Variants in C9orf85 observed in about 807,000 individuals in gnomAD.
The protein encoded by C9orf85 is chromosome 9 open reading frame 85.
In C9orf85, 16 loss-of-function variants were observed where a neutral mutation model predicts 14.9. The ratio of observed to expected loss-of-function variants is 1.08; its 90% CI spans 0.73 to 1.63. The LOEUF (loss-of-function observed/expected upper bound fraction) is 1.63, where lower values mean the gene tolerates loss of function less well. C9orf85 is among the 40% of genes most tolerant of loss of function. The pLI is 0.00. For synonymous variants in C9orf85, 45 were observed against 56.8 expected (o/e 0.79, Z 0.93); for missense variants, 172 against 186.1 (o/e 0.92, Z 0.44).
At position 71,972,746 on chromosome 9, in the gene C9orf85, C is replaced by T; in HGVS notation, c.378C>T (p.Asn126=). The change falls in exon 4 of 4, where the codon AAC becomes AAT. Residue 126 remains asparagine (N), a synonymous_variant. Coordinates refer to ENST00000334731, the MANE Select transcript of C9orf85 (RefSeq NM_182505.5). ...ATACTGAAAATAATCTAAGTTCCAACCATAGAAGAAGCTGCAGAAGAAATG... is the reference window on the plus strand; with the variant it reads ...ATACTGAAAATAATCTAAGTTCCAATCATAGAAGAAGCTGCAGAAGAAATG... ...IEHTENNLSS[N]HRRSCRRNEE... is the part of the protein sequence containing the mutation. The T allele has an allele frequency of 6.2e-7, 1 of 1,607,026 alleles. No homozygotes were observed. The highest frequency in any genetic ancestry group is 1.7e-4 in the Middle Eastern group (1 of 5,956).
chr9:71,929,238 A>G (rs1294559746), intron 1 of C9orf85, among the ~76,000 whole-genome samples: 1 of 152,176 alleles, frequency 6.6e-6, no homozygotes, highest in Non-Finnish European at 1.5e-5. Context: ...ATACATCCCT[A>G]TTAGGAAATC....
chr9:71,943,720 T>C (rs1369314990), intron 1 of C9orf85, among the ~76,000 whole-genome samples: 2 of 151,838 alleles, frequency 1.3e-5, no homozygotes, highest in East Asian at 3.9e-4. Context: ...TTTGTACTTT[T>C]AGTAGAGACG....
intron 2 of C9orf85, 22 bp downstream of exon 2, chr9:71,947,134 CCTTA>C (rs745701819): frequency 1.4e-6 from 2 of 1,464,866 alleles, no homozygotes; most frequent in East Asian, 2.3e-5. Context: ...TTCTTCATTA[CCTTA>C]CTTGGTGGTA....
chr9:71,922,755 C>G (rs1474212632), intron 1 of C9orf85, among the ~76,000 whole-genome samples: 1 of 152,206 alleles, frequency 6.6e-6, no homozygotes, highest in Non-Finnish European at 1.5e-5. Context: ...CATCTGACAT[C>G]TCATTGCCAC....
At chr9:71,982,927 C>G (rs955394536) in exon 4 of C9orf85, 2 of 216,560 alleles carry the variant, frequency 9.2e-6, no homozygotes, top group African/African-American at 4.8e-5. Context: ...AGCCATCATG[C>G]CTGGCCTAAT....
chr9:71,936,249 C>G (rs561764404), intron 1 of C9orf85, among the ~76,000 whole-genome samples: 1 of 152,034 alleles, frequency 6.6e-6, no homozygotes, highest in Admixed American at 6.6e-5. Context: ...TGAGTTAGCA[C>G]TAGGGACATA....
At chr9:71,930,221 C>T (rs550539707) in intron 1 of C9orf85, among the ~76,000 whole-genome samples, 2 of 152,178 alleles carry the variant, frequency 1.3e-5, no homozygotes, top group South Asian at 2.1e-4. Flanking sequence ...GTTCCATGCA[C>T]ATAAAATCAC....
At chr9:71,954,636 A>G (rs1447220194) in intron 2 of C9orf85, among the ~76,000 whole-genome samples, 1 of 152,020 alleles carries the variant, frequency 6.6e-6, no homozygotes, top group Non-Finnish European at 1.5e-5. Context: ...TGCTGGTGGG[A>G]GTGTAGCGGT....
Position 71,971,634 on chromosome 9 carries a change from T to C in C9orf85, c.323+16T>C. On this transcript the variant is annotated intron_variant, in intron 3 of 3. Coordinates refer to ENST00000334731, the MANE Select transcript of C9orf85 (RefSeq NM_182505.5). Reference sequence around the variant, plus strand: ...TTGTTATTCCGTGAGTGTTTCCTTTTATGTTTGAATTTTACTCTTAGTGAT... The same window carrying C: ...TTGTTATTCCGTGAGTGTTTCCTTTCATGTTTGAATTTTACTCTTAGTGAT... 1 of 1,506,518 alleles carries C rather than the reference T, an allele frequency of 6.6e-7. No individual in the cohort carries two copies. The highest frequency in any genetic ancestry group is 9.2e-7 in the Non-Finnish European group (1 of 1,085,922). The allele number at this position is 1,506,518 out of a possible 1,614,324, so 93.3% of individuals were successfully genotyped here. A position where few individuals can be genotyped will look rare whatever the true frequency, so the allele number is the denominator to read the frequency against.
intron 2 of C9orf85, among the ~76,000 whole-genome samples, chr9:71,952,528 C>G (rs570510215): frequency 1.3e-5 from 2 of 152,214 alleles, no homozygotes; most frequent in South Asian, 4.1e-4. Flanking sequence ...CCACACCCGG[C>G]TAATTTTTTT....
exon 4 of C9orf85, chr9:71,982,896 A>G (rs1823124427): frequency 4.0e-6 from 1 of 252,184 alleles, no homozygotes; most frequent in Non-Finnish European, 7.8e-6. Context: ...AACCTCCCAA[A>G]GTGCTGGAAT....
intron 2 of C9orf85, among the ~76,000 whole-genome samples, chr9:71,949,868 C>T (rs754974269): frequency 1.2e-4 from 18 of 152,272 alleles, no homozygotes; most frequent in Non-Finnish European, 2.1e-4. Context: ...GTCCTTTCCT[C>T]TAGGTATAGG....
At chr9:71,918,125 G>A (rs573162791) in intron 1 of C9orf85, among the ~76,000 whole-genome samples, 1 of 152,302 alleles carries the variant, frequency 6.6e-6, no homozygotes, top group East Asian at 1.9e-4. Flanking sequence ...AGAGGTTGCA[G>A]TGAGCTGAGA....
intron 1 of C9orf85, among the ~76,000 whole-genome samples, chr9:71,929,181 T>G (rs80280051): frequency 6.6e-6 from 1 of 152,228 alleles, no homozygotes; most frequent in South Asian, 2.1e-4. Context: ...ACAAAATCAT[T>G]TGGTTTGTGG....
At chr9:71,920,216 T>G (rs1319660357) in intron 1 of C9orf85, among the ~76,000 whole-genome samples, 3 of 152,188 alleles carry the variant, frequency 2.0e-5, no homozygotes, top group African/African-American at 7.2e-5. Context: ...ATCATATATT[T>G]TAGGTACTTC....
chr9:71,951,509 CT>C (rs1822245345), intron 2 of C9orf85, among the ~76,000 whole-genome samples: 2 of 152,152 alleles, frequency 1.3e-5, no homozygotes, highest in African/African-American at 2.4e-5. Context: ...TACCAAGATC[CT>C]CCTACCCATT....
intron 1 of C9orf85, among the ~76,000 whole-genome samples, chr9:71,937,758 T>C (rs1361451401): frequency 6.6e-6 from 1 of 152,158 alleles, no homozygotes; most frequent in Non-Finnish European, 1.5e-5. Context: ...ACTTTAGATA[T>C]CTTTTAATTA....
intron 2 of C9orf85, among the ~76,000 whole-genome samples, chr9:71,961,725 G>A (rs953611243): frequency 6.6e-6 from 1 of 152,150 alleles, no homozygotes; most frequent in African/African-American, 2.4e-5. Flanking sequence ...TGTCTTTAAA[G>A]GTGAAAGCAG....
intron 2 of C9orf85, among the ~76,000 whole-genome samples, chr9:71,957,157 T>C (rs7043246): frequency 0.028 from 4,258 of 152,262 alleles, 219 homozygotes; most frequent in African/African-American, 0.097. Context: ...TAAACTAACA[T>C]AGCAATGTGA....
Sources: gnomAD v4.1 joint callset for allele counts (sites outside exome capture counted in the v4.1 genomes callset) on GRCh38, gnomAD v4.1.1 for gene constraint, MANE v1.5 for transcripts, NCBI Gene and HGNC (gene_info 2026-07-23, HGNC 2026-07-21) for gene names.